Variants in PCDHGA2 observed in about 807,000 individuals in gnomAD.
PCDHGA2 encodes the protein protocadherin gamma-A2.
In PCDHGA2, 40 loss-of-function variants were observed where a neutral mutation model predicts 59.2. That is an observed-to-expected ratio of 0.68 (90% CI 0.52 to 0.88). The LOEUF is 0.88. Ranked by LOEUF, PCDHGA2 falls within the 40% of genes least tolerant of loss-of-function variation. PCDHGA2 has a pLI of 0.00. For missense variants in PCDHGA2, 1,226 were observed against 1,204.0 expected, an observed-to-expected ratio of 1.02 and a Z score of -0.27; for synonymous variants, 560 against 526.0, an observed-to-expected ratio of 1.06 and a Z score of -0.89.
Position 141,420,431 on chromosome 5 carries a change from A to G in PCDHGA2, c.2425-74376A>G, listed in dbSNP as rs183252328. 8.4e-5 allele frequency: 96 copies of G among 1,148,758 alleles called. No individual in the cohort carries two copies. In the African/African-American group the frequency reaches 1.3e-3, roughly 16 times the overall value. The allele number at this position is 1,148,758 out of a possible 1,614,324, so 71.2% of individuals were successfully genotyped here. Reference sequence around the variant, plus strand: ...TATCATTATTAAAACAAAAGTTTAAATTAAATGCCTCAGTCTTCCTACTAT... The same window carrying G: ...TATCATTATTAAAACAAAAGTTTAAGTTAAATGCCTCAGTCTTCCTACTAT... On this transcript the variant is annotated intron_variant, in intron 1 of 3. Transcript: ENST00000394576.
At chr5:141,421,794 G>A in intron 1 of PCDHGA2, 1 of 1,613,788 alleles carries the variant, frequency 6.2e-7, no homozygotes, top group Non-Finnish European at 8.5e-7. Flanking sequence ...GAACGGATGG[G>A]GCCAAGAATC....
Position 141,511,344 on chromosome 5 carries a change from T to G in PCDHGA2, c.*171T>G, listed in dbSNP as rs2099883730. 3 of 1,419,052 alleles carry G rather than the reference T, an allele frequency of 2.1e-6. No homozygotes were observed. Among genetic ancestry groups the G allele is most frequent in the Non-Finnish European group, 2.8e-6 (3 of 1,067,404 alleles). 87.9% of individuals were successfully genotyped at this position (1,419,052 alleles called of 1,614,324 possible). On this transcript the variant is annotated 3_prime_UTR_variant, in exon 4 of 4. Coordinates refer to ENST00000394576, the MANE Select transcript of PCDHGA2 (RefSeq NM_018915.4). The stretch of plus-strand genomic sequence containing the variant: ...CAAGTGCCCAGTCAGCACCTACCCC[T>G]TCCCCCCCAGGGGGTTGAATATGCA...
At chr5:141,508,408 C>T (rs938019804) in intron 3 of PCDHGA2, 1 of 152,180 alleles carries the variant, frequency 6.6e-6, no homozygotes, top group Non-Finnish European at 1.5e-5. Context: ...GCTTGAGCCA[C>T]GCAGAGACTT....
chr5:141,453,077 T>C (rs2098755487), intron 1 of PCDHGA2, among the ~76,000 whole-genome samples: 1 of 152,090 alleles, frequency 6.6e-6, no homozygotes, highest in African/African-American at 2.4e-5. Context: ...CACACTCTGG[T>C]TGATTAGTAT....
intron 1 of PCDHGA2, chr5:141,403,227 G>T: frequency 1.9e-6 from 3 of 1,608,966 alleles, no homozygotes; most frequent in Non-Finnish European, 2.6e-6. Context: ...AGGATAGACC[G>T]GGAGGAGCTC....
At chr5:141,401,677 G>C (rs1017959276) in intron 1 of PCDHGA2, among the ~76,000 whole-genome samples, 2 of 152,184 alleles carry the variant, frequency 1.3e-5, no homozygotes, top group Non-Finnish European at 2.9e-5. Flanking sequence ...CATCCTTGTA[G>C]GATGGAAGGT....
At chr5:141,467,114 G>A (rs971182917) in intron 1 of PCDHGA2, among the ~76,000 whole-genome samples, 5 of 149,522 alleles carry the variant, frequency 3.3e-5, no homozygotes, top group South Asian at 2.1e-4. Context: ...GTACAATGGT[G>A]CAATCTCAGC....
chr5:141,463,466 T>G (rs1400160593), intron 1 of PCDHGA2, among the ~76,000 whole-genome samples: 2 of 142,982 alleles, frequency 1.4e-5, no homozygotes, highest in African/African-American at 5.2e-5. Context: ...TTTTTTTTTT[T>G]GAGATGGAGT....
At chr5:141,344,051 T>G in intron 1 of PCDHGA2, 1 of 1,549,846 alleles carries the variant, frequency 6.5e-7, no homozygotes, top group East Asian at 2.3e-5. Context: ...ATTGCCTGAG[T>G]TTCCGAAATG....
At chr5:141,422,561 A>T in intron 1 of PCDHGA2, 1 of 1,613,992 alleles carries the variant, frequency 6.2e-7, no homozygotes, top group Non-Finnish European at 8.5e-7. Context: ...AATGTGGCAG[A>T]TGACAACGAT....
chr5:141,472,980 CAA>C (rs60579131), intron 1 of PCDHGA2, among the ~76,000 whole-genome samples: 879 of 86,072 alleles, frequency 0.01, 5 homozygotes, highest in African/African-American at 0.015. Context: ...GAGTGAAACT[CAA>C]AAAAAAAAAA....
At chr5:141,397,024 A>G (rs188506780) in intron 1 of PCDHGA2, among the ~76,000 whole-genome samples, 30 of 152,358 alleles carry the variant, frequency 2.0e-4, no homozygotes, top group African/African-American at 7.2e-4. Flanking sequence ...AAGGTTGACC[A>G]ATGTCCACAA....
intron 1 of PCDHGA2, chr5:141,418,471 G>A (rs199547102): frequency 1.9e-6 from 3 of 1,614,002 alleles, no homozygotes; most frequent in South Asian, 2.2e-5. Flanking sequence ...ACCGAGAAAC[G>A]CAGAGCGCTC....
chr5:141,413,668 G>T lies in PCDHGA2; in HGVS notation c.2424+72273G>T, dbSNP rs1286766786. ...TCCTCTCCCGGAAGCTATTGATCCG[G>T]ATGTGGGCGTGAACTCCCTGCAGAG... is the stretch of plus-strand genomic sequence containing the variant. On this transcript the variant is annotated intron_variant, in intron 1 of 3. Transcript: ENST00000394576. 6 of 1,613,754 alleles carry T rather than the reference G, an allele frequency of 3.7e-6. No homozygotes were observed. The Admixed American group carries it at 8.3e-5, about 22-fold the overall frequency.
intron 1 of PCDHGA2, among the ~76,000 whole-genome samples, chr5:141,464,921 G>A (rs1562002597): frequency 6.6e-6 from 1 of 151,106 alleles, no homozygotes; most frequent in Non-Finnish European, 1.5e-5. Flanking sequence ...TTATTTTTTT[G>A]TAGAGATGTG....
intron 1 of PCDHGA2, among the ~76,000 whole-genome samples, chr5:141,348,774 G>A (rs1758177041): frequency 6.6e-6 from 1 of 152,176 alleles, no homozygotes; most frequent in Admixed American, 6.5e-5. Flanking sequence ...ATGATGCAAG[G>A]AAACAAGTGA....
chr5:141,399,894 C>G lies in PCDHGA2; in HGVS notation c.2424+58499C>G, dbSNP rs201911174. ...GCTACCTGGTGACCAAGGTAGTGGC[C>G]GTGGACGCAGACTCAGGACACAACG... On this transcript the variant is annotated intron_variant, in intron 1 of 3. Transcript: ENST00000394576. 9.2e-4 allele frequency: 1,477 copies of G among 1,612,556 alleles called. 21 individuals carry two copies. In the South Asian group the frequency reaches 0.015, roughly 17 times the overall value.
intron 1 of PCDHGA2, chr5:141,430,838 G>A (rs866767896): frequency 2.6e-6 from 4 of 1,562,908 alleles, no homozygotes; most frequent in Non-Finnish European, 3.5e-6. Context: ...GTGGGAGACC[G>A]GATGCACCCA....
chr5:141,393,480 T>A (rs1026854698), intron 1 of PCDHGA2: 1 of 1,614,062 alleles, frequency 6.2e-7, no homozygotes, highest in Non-Finnish European at 8.5e-7. Context: ...GCCGCCTCGC[T>A]CTAGCACAGT....
Sources: allele counts gnomAD v4.1 joint callset (sites outside exome capture counted in the v4.1 genomes callset), GRCh38; gene constraint gnomAD v4.1.1; transcripts MANE v1.5; gene names NCBI Gene and HGNC (gene_info 2026-07-23, HGNC 2026-07-21).